CORIN: variants seen among roughly 807,000 people sequenced by gnomAD.
CORIN encodes the protein corin, serine peptidase, also known as atrial natriuretic peptide-converting enzyme.
CORIN carries 117 observed loss-of-function variants against 125.3 expected under a neutral mutation model. That is an observed-to-expected ratio of 0.93 (90% CI 0.80 to 1.09). CORIN has a LOEUF of 1.09. CORIN is among the 50% of genes least tolerant of loss of function. The pLI is 0.00. For missense variants in CORIN, 1,253 were observed against 1,306.7 expected, an observed-to-expected ratio of 0.96 and a Z score of 0.63; for synonymous variants, 450 against 466.4, an observed-to-expected ratio of 0.96 and a Z score of 0.45.
intron 10 of CORIN, among the ~76,000 whole-genome samples, chr4:47,668,269 G>C (rs560951068): frequency 6.6e-6 from 1 of 152,172 alleles, no homozygotes; most frequent in Non-Finnish European, 1.5e-5. Context: ...ACACTACAAA[G>C]ATGCAGAAAG....
chr4:47,744,307 T>C, intron 5 of CORIN, 95 bp downstream of exon 5: 1 of 1,161,686 alleles, frequency 8.6e-7, no homozygotes, highest in Non-Finnish European at 1.2e-6. Context: ...GGTTAAAATT[T>C]ATCAGACTGT....
intron 1 of CORIN, among the ~76,000 whole-genome samples, chr4:47,833,033 T>G (rs1733133647): frequency 6.6e-6 from 1 of 152,090 alleles, no homozygotes; most frequent in Non-Finnish European, 1.5e-5. Flanking sequence ...GAAAAAGTCT[T>G]GAGACATTTC....
At chr4:47,768,313 C>T (rs1333930527) in intron 3 of CORIN, among the ~76,000 whole-genome samples, 4 of 152,108 alleles carry the variant, frequency 2.6e-5, no homozygotes, top group Admixed American at 2.6e-4. Flanking sequence ...TTCTCACGGA[C>T]TCAAGTGAAA....
chr4:47,691,696 T>C (rs1388019056), intron 6 of CORIN, among the ~76,000 whole-genome samples: 6 of 152,142 alleles, frequency 3.9e-5, no homozygotes, highest in Non-Finnish European at 8.8e-5. Context: ...ATGTGTATTC[T>C]AACCCTCTAA....
chr4:47,817,505 G>A (rs1350041694), intron 1 of CORIN, among the ~76,000 whole-genome samples: 2 of 152,110 alleles, frequency 1.3e-5, no homozygotes, highest in Non-Finnish European at 2.9e-5. Context: ...GCCTATGCCA[G>A]TTCCCAGTGT....
rs553151419 is a variant in CORIN, at chr4:47,706,878, G to A, written c.800-13795C>T. 2.6e-5 allele frequency: 42 copies of A among 1,599,068 alleles called. No individual in the cohort carries two copies. The East Asian group carries it at 8.5e-4, about 32-fold the overall frequency. ...ATGCGTGGGCTGACATCTGCAGGCC[G>A]AAAGAGCCGTGGCCTTGGAAAGGGC... On this transcript the variant is annotated intron_variant, in intron 5 of 21. Coordinates refer to ENST00000273857, the MANE Select transcript of CORIN (RefSeq NM_006587.4).
intron 1 of CORIN, among the ~76,000 whole-genome samples, chr4:47,821,107 T>C (rs1732491005): frequency 6.6e-6 from 1 of 151,984 alleles, no homozygotes. Flanking sequence ...TGGTGACGTG[T>C]GCTTGTAGTA....
intron 1 of CORIN, among the ~76,000 whole-genome samples, chr4:47,817,297 TA>T (rs1732315114): frequency 4.0e-5 from 1 of 25,272 alleles, no homozygotes; most frequent in Non-Finnish European, 6.4e-5. Context: ...TATAACAAAA[TA>T]TATATATATA....
At position 47,804,562 on chromosome 4, in the gene CORIN, G is replaced by C. The variant is rs550269045; in HGVS notation, c.208+2341C>G. ...AGATACTGTCATTTTGCAACAAAAT[G>C]AATGGAACTGGAGGTTATTATGTTA... On this transcript the variant is annotated intron_variant, in intron 2 of 21. Coordinates refer to ENST00000273857, the MANE Select transcript of CORIN (RefSeq NM_006587.4). Among the ~76,000 whole-genome samples, 8 of 152,182 alleles carry C rather than the reference G, an allele frequency of 5.3e-5. No individual in the cohort carries two copies. The South Asian group carries it at 1.7e-3, about 32-fold the overall frequency.
intron 5 of CORIN, among the ~76,000 whole-genome samples, chr4:47,698,772 A>G (rs1048660417): frequency 6.6e-6 from 1 of 152,126 alleles, no homozygotes; most frequent in Non-Finnish European, 1.5e-5. Context: ...ACGTAACAAC[A>G]TTTTTCTTAA....
chr4:47,812,266 G>C lies in CORIN; in HGVS notation c.64-5219C>G, dbSNP rs139736120. 6.7e-3 allele frequency among the ~76,000 whole-genome samples: 1,016 copies of C among 152,252 alleles called. 14 individuals are homozygous for C. The highest frequency in any genetic ancestry group is 0.022 in the African/African-American group (912 of 41,530). On this transcript the variant is annotated intron_variant, in intron 1 of 21. Coordinates refer to ENST00000273857, the MANE Select transcript of CORIN (RefSeq NM_006587.4). ...TAACACCAGCACTTTGGGAGGCTGA[G>C]GCAGGAGGATTATTTGAGCCCAGGA...
rs758705638 is a variant in CORIN at position 47,611,483 on chromosome 4, A to G, written c.2541-7815T>C. Among the ~76,000 whole-genome samples, 75 of 152,206 alleles carry G rather than the reference A, an allele frequency of 4.9e-4. 1 individual carries two copies. The highest frequency in any genetic ancestry group is 1.0e-4 in the Non-Finnish European group (7 of 68,026). On this transcript the variant is annotated intron_variant, in intron 19 of 21. Transcript: ENST00000273857. ...TGCTAAAGTTGCTTATCAGTTTAAG[A>G]AGCTTTTGGGTCAAGACAATGGGGT... is the stretch of plus-strand genomic sequence containing the variant.
intron 5 of CORIN, among the ~76,000 whole-genome samples, chr4:47,705,819 C>T (rs571088352): frequency 6.6e-6 from 1 of 151,572 alleles, no homozygotes; most frequent in Non-Finnish European, 1.5e-5. Flanking sequence ...TTCAAGCACA[C>T]GGCCCGTAAA....
At chr4:47,641,728 A>C (rs1009570457) in intron 16 of CORIN, among the ~76,000 whole-genome samples, 192 bp downstream of exon 16, 2 of 152,192 alleles carry the variant, frequency 1.3e-5, no homozygotes, top group Non-Finnish European at 2.9e-5. Context: ...ATCAAAGTAC[A>C]TTTCCAGCAC....
At chr4:47,660,369 CAAAGG>C (rs1301592914) in intron 12 of CORIN, among the ~76,000 whole-genome samples, 1 of 151,818 alleles carries the variant, frequency 6.6e-6, no homozygotes, top group African/African-American at 2.4e-5. Context: ...TTCTGCAAAG[CAAAGG>C]AAAGTGAAGA....
chr4:47,643,068 A>G lies in CORIN; in HGVS notation c.2068+78T>C, dbSNP rs1342188834. Reference sequence around the variant, plus strand: ...TGAACTTGGTCAGTAAAATCCAGGAAGTAATTTAGGATCCATTCAGCTTCA... The same window carrying G: ...TGAACTTGGTCAGTAAAATCCAGGAGGTAATTTAGGATCCATTCAGCTTCA... On this transcript the variant is annotated intron_variant, in intron 15 of 21. Coordinates refer to ENST00000273857, the MANE Select transcript of CORIN (RefSeq NM_006587.4). 76 of 1,608,366 alleles carry G rather than the reference A, an allele frequency of 4.7e-5. 1 individual carries two copies. The Admixed American group carries it at 1.3e-3, about 27-fold the overall frequency.
In CORIN at chr4:47,763,370, C is replaced by T. The variant is rs772450537; in HGVS notation, c.617+9G>A. 9 of 1,608,410 alleles carry T rather than the reference C, an allele frequency of 5.6e-6. No homozygotes were observed. The East Asian group carries it at 2.0e-4, about 36-fold the overall frequency. ...CTCTTATCACTGAATAATCTGGGTT[C>T]CGAAATACCTGTCATCGCCATCAAT... On this transcript the variant is annotated intron_variant, in intron 4 of 21. Coordinates refer to ENST00000273857, the MANE Select transcript of CORIN (RefSeq NM_006587.4).
chr4:47,652,859 G>A (rs1723796514), intron 13 of CORIN: 1 of 152,176 alleles, frequency 6.6e-6, no homozygotes, highest in Non-Finnish European at 1.5e-5. Context: ...TTAGCAACAT[G>A]GGAAGCATAC....
At chr4:47,678,954 C>T (rs1279195683) in intron 8 of CORIN, among the ~76,000 whole-genome samples, 1 of 152,200 alleles carries the variant, frequency 6.6e-6, no homozygotes, top group Non-Finnish European at 1.5e-5. Context: ...AAGAGGAGAG[C>T]TACGCATTGT....
Sources: allele counts gnomAD v4.1 joint callset (sites outside exome capture counted in the v4.1 genomes callset), GRCh38; gene constraint gnomAD v4.1.1; transcripts MANE v1.5; gene names NCBI Gene and HGNC (gene_info 2026-07-23, HGNC 2026-07-21).